Variants in MYO5B observed in about 807,000 individuals in gnomAD.
The protein encoded by MYO5B is unconventional myosin-Vb.
Under a neutral mutation model 229.3 loss-of-function variants are expected in MYO5B, and 143 were observed. The ratio of observed to expected loss-of-function variants is 0.62; its 90% CI spans 0.54 to 0.72. The LOEUF (loss-of-function observed/expected upper bound fraction) is 0.72. MYO5B is among the 30% of genes least tolerant of loss of function. The probability of loss-of-function intolerance (pLI) is 0.00; values close to 1 mark genes in which losing one functional copy is unlikely to be tolerated. For synonymous variants in MYO5B, 918 were observed against 885.2 expected (o/e 1.04, Z -0.66); for missense variants, 2,321 against 2,331.0 (o/e 1.00, Z 0.09).
intron 4 of MYO5B, among the ~76,000 whole-genome samples, chr18:50,004,959 T>A (rs1322807966): frequency 6.6e-6 from 1 of 152,226 alleles, no homozygotes; most frequent in African/African-American, 2.4e-5. Context: ...TGTCTGACTT[T>A]GGACAAAGTA....
rs2024760424 is a variant in MYO5B, at chr18:49,894,949, G to A, written c.3037C>T (p.Leu1013=). ...EDAHSREKDE[L]RKRVADLEQE... ...CTCTGGCCTGAGCATACCTTCCTCA[G>A]CTCATCTTTCTCCCTGCTGTGGGCG... Residue 1013 remains leucine, a synonymous_variant, in exon 22 of 40, where the codon CTG becomes TTG. Coordinates refer to ENST00000285039, the MANE Select transcript of MYO5B (RefSeq NM_001080467.3). 1.2e-6 allele frequency: 2 copies of A among 1,612,642 alleles called. No homozygotes were observed. The highest frequency in any genetic ancestry group is 1.1e-5 in the South Asian group (1 of 91,086).
intron 1 of MYO5B, among the ~76,000 whole-genome samples, chr18:50,072,455 G>A (rs1452340973): frequency 6.6e-6 from 1 of 152,122 alleles, no homozygotes; most frequent in Non-Finnish European, 1.5e-5. Context: ...TTAGAAATGA[G>A]GGTTGGTGGT....
chr18:49,927,990 C>T (rs535407385), intron 17 of MYO5B, among the ~76,000 whole-genome samples: 1 of 152,126 alleles, frequency 6.6e-6, no homozygotes, highest in Admixed American at 6.5e-5. Flanking sequence ...GCAATCTATA[C>T]ATCCAACAAA....
chr18:50,030,232 TTTAA>T (rs918303819), intron 4 of MYO5B, among the ~76,000 whole-genome samples: 1 of 152,194 alleles, frequency 6.6e-6, no homozygotes, highest in South Asian at 2.1e-4. Flanking sequence ...CAATTCTATT[TTTAA>T]TTGTCGTTTT....
intron 1 of MYO5B, among the ~76,000 whole-genome samples, chr18:50,182,966 T>C (rs1275137089): frequency 6.6e-6 from 1 of 152,116 alleles, no homozygotes; most frequent in Non-Finnish European, 1.5e-5. Context: ...ACAACTTCAA[T>C]GACAGCAATT....
In MYO5B at chr18:49,880,366, CT is replaced by C. The variant is rs1328279678; in HGVS notation, c.3130+4del. 3 of 1,612,530 alleles carry C rather than the reference CT, an allele frequency of 1.9e-6. No homozygotes were observed. The highest frequency in any genetic ancestry group is 3.3e-5 in the Admixed American group (2 of 60,008). On this transcript the variant is annotated splice_donor_region_variant and intron_variant, in intron 23 of 39. Transcript: ENST00000285039. ...CAAATAAAACTCAAGTGCTTTGGTA[CT>C]TACCTTTAGACTGGCACAGGATTTG... is the stretch of plus-strand genomic sequence containing the variant.
At chr18:50,085,288 T>C (rs1358306257) in intron 1 of MYO5B, among the ~76,000 whole-genome samples, 2 of 152,144 alleles carry the variant, frequency 1.3e-5, no homozygotes, top group Non-Finnish European at 2.9e-5. Context: ...AGAAGACATT[T>C]ATGCAGCCAA....
At chr18:50,096,052 A>G (rs1265127484) in intron 1 of MYO5B, among the ~76,000 whole-genome samples, 2 of 152,174 alleles carry the variant, frequency 1.3e-5, no homozygotes, top group Non-Finnish European at 2.9e-5. Context: ...ACTTCGAAGA[A>G]AACTGTTCTG....
At chr18:49,963,647 C>G (rs56963981) in intron 10 of MYO5B, among the ~76,000 whole-genome samples, 16,722 of 152,008 alleles carry the variant, frequency 0.11, 1,126 homozygotes, top group African/African-American at 0.18. Flanking sequence ...AAGCTGGTCT[C>G]GAACTCCTGG....
chr18:50,037,052 G>A (rs1041659111), intron 3 of MYO5B, 58 bp from the exon 4 acceptor site: 51 of 1,601,800 alleles, frequency 3.2e-5, no homozygotes, highest in Non-Finnish European at 4.1e-5. Context: ...GGCATTATTA[G>A]CTCAAGGCAC....
At chr18:50,082,310 T>C (rs757677667) in intron 1 of MYO5B, among the ~76,000 whole-genome samples, 22 of 152,234 alleles carry the variant, frequency 1.4e-4, no homozygotes, top group Non-Finnish European at 2.9e-4. Flanking sequence ...CTATGAATAT[T>C]ATAAGCTCAA....
At chr18:50,170,389 C>A (rs1167926837) in intron 1 of MYO5B, among the ~76,000 whole-genome samples, 1 of 127,722 alleles carries the variant, frequency 7.8e-6, no homozygotes, top group Non-Finnish European at 1.7e-5. Flanking sequence ...ATCCTAGATG[C>A]TAGACTTAAG....
chr18:50,007,551 C>T (rs1164872760), intron 4 of MYO5B, among the ~76,000 whole-genome samples: 1 of 152,220 alleles, frequency 6.6e-6, no homozygotes, highest in Non-Finnish European at 1.5e-5. Flanking sequence ...CCCACATCTA[C>T]TGTGTTCAAG....
At chr18:49,931,986 G>A (rs764977207) in intron 16 of MYO5B, among the ~76,000 whole-genome samples, 10 of 152,204 alleles carry the variant, frequency 6.6e-5, no homozygotes, top group South Asian at 2.1e-4. Flanking sequence ...ACACACCAGG[G>A]ATGGCAGCGT....
intron 16 of MYO5B, among the ~76,000 whole-genome samples, chr18:49,931,915 G>C (rs2025197360): frequency 6.6e-6 from 1 of 152,170 alleles, no homozygotes; most frequent in South Asian, 2.1e-4. Context: ...TGTTCCCCAA[G>C]CCAGCCACCG....
intron 27 of MYO5B, among the ~76,000 whole-genome samples, chr18:49,866,889 G>A (rs1301557839): frequency 6.6e-6 from 1 of 152,218 alleles, no homozygotes. Context: ...GGGCCAGAGG[G>A]TAAGGGGAGG....
At chr18:50,037,323 A>C (rs1456707946) in intron 3 of MYO5B, among the ~76,000 whole-genome samples, 1 of 152,184 alleles carries the variant, frequency 6.6e-6, no homozygotes, top group African/African-American at 2.4e-5. Flanking sequence ...GAGGATATTA[A>C]ATTCTACCAG....
rs950367225 is a variant in MYO5B at position 49,829,034 on chromosome 18, G to A, written c.5395-2411C>T. On this transcript the variant is annotated intron_variant, in intron 39 of 39. Coordinates refer to ENST00000285039, the MANE Select transcript of MYO5B (RefSeq NM_001080467.3). Reference sequence around the variant, plus strand: ...AATTAGATGGAAAAAATAGAGAACAGATCAATACCCAAAACAAATGAAATC... The same window carrying A: ...AATTAGATGGAAAAAATAGAGAACAAATCAATACCCAAAACAAATGAAATC... 9.4e-5 allele frequency among the ~76,000 whole-genome samples: 14 copies of A among 149,048 alleles called. No individual in the cohort carries two copies. In the South Asian group the frequency reaches 2.5e-3, roughly 27 times the overall value.
chr18:50,128,476 C>G (rs1182279324), intron 1 of MYO5B, among the ~76,000 whole-genome samples: 1 of 152,118 alleles, frequency 6.6e-6, no homozygotes, highest in East Asian at 1.9e-4. Context: ...CATGGATAAG[C>G]GTAGAAAAGC....
Sources: gnomAD v4.1 joint callset for allele counts (sites outside exome capture counted in the v4.1 genomes callset) on GRCh38, gnomAD v4.1.1 for gene constraint, MANE v1.5 for transcripts, NCBI Gene and HGNC (gene_info 2026-07-23, HGNC 2026-07-21) for gene names.